Variants in TBC1D4 observed in about 807,000 individuals in gnomAD.
TBC1D4 encodes the protein TBC (Tre-2, BUB2, CDC16) domain-containing protein.
TBC1D4 carries 121 observed loss-of-function variants against 142.5 expected under a neutral mutation model. The observed-to-expected ratio is 0.85, with a 90% CI of 0.73 to 0.99. TBC1D4 has a LOEUF of 0.99. TBC1D4 is among the 50% of genes least tolerant of loss of function. The pLI is 0.00. For synonymous variants in TBC1D4, 630 were observed against 628.2 expected, an observed-to-expected ratio of 1.00 and a Z score of -0.04; for missense variants, 1,475 against 1,606.6, an observed-to-expected ratio of 0.92 and a Z score of 1.40.
chr13:75,394,446 T>C (rs1042832779), intron 1 of TBC1D4, among the ~76,000 whole-genome samples: 2 of 152,174 alleles, frequency 1.3e-5, no homozygotes, highest in African/African-American at 4.8e-5. Flanking sequence ...TTGACAATCA[T>C]GGAAAGAACA....
rs574704625 is a variant in TBC1D4, at chr13:75,317,332, C to A, written c.2222+2682G>T. On this transcript the variant is annotated intron_variant, in intron 12 of 20. Coordinates refer to ENST00000377636, the MANE Select transcript of TBC1D4 (RefSeq NM_014832.5). ...CTAAGCCTTTTGATTGGGTACTTCT[C>A]TTTCCATTTTTTAATGGATTAATTT... Among the ~76,000 whole-genome samples, 7 of 152,334 alleles carry A rather than the reference C, an allele frequency of 4.6e-5. No individual in the cohort carries two copies. The East Asian group carries it at 1.3e-3, about 29-fold the overall frequency.
At chr13:75,394,940 G>A (rs1884707746) in intron 1 of TBC1D4, among the ~76,000 whole-genome samples, 2 of 152,234 alleles carry the variant, frequency 1.3e-5, no homozygotes, top group Admixed American at 1.3e-4. Flanking sequence ...GCATACAGGT[G>A]AGGTGGGGTG....
chr13:75,324,703 A>G (rs1879081511), intron 10 of TBC1D4, among the ~76,000 whole-genome samples: 8 of 152,238 alleles, frequency 5.3e-5, no homozygotes, highest in Admixed American at 5.2e-4. Context: ...TTCACATGCA[A>G]AAGACACTTC....
intron 2 of TBC1D4, among the ~76,000 whole-genome samples, chr13:75,361,274 C>T (rs1381896040): frequency 6.6e-6 from 1 of 152,186 alleles, no homozygotes; most frequent in Non-Finnish European, 1.5e-5. Flanking sequence ...ACTCAAAATA[C>T]AAATACAAGT....
At chr13:75,319,915 T>C in intron 12 of TBC1D4, 99 bp downstream of exon 12, 1 of 1,291,608 alleles carries the variant, frequency 7.7e-7, no homozygotes, top group South Asian at 1.3e-5. Flanking sequence ...TGGCATGCAT[T>C]CAGGAGACAA....
At chr13:75,347,708 C>T (rs1566407999) in intron 5 of TBC1D4, among the ~76,000 whole-genome samples, 1 of 152,110 alleles carries the variant, frequency 6.6e-6, no homozygotes, top group Non-Finnish European at 1.5e-5. Flanking sequence ...TGACTGGCAC[C>T]CGTTGACACA....
intron 1 of TBC1D4, among the ~76,000 whole-genome samples, chr13:75,369,700 C>G (rs1241643954): frequency 6.6e-6 from 1 of 152,048 alleles, no homozygotes; most frequent in African/African-American, 2.4e-5. Flanking sequence ...ATGGAAATCA[C>G]AATGTTTATC....
In TBC1D4 at chr13:75,302,707, C is replaced by T. The variant is rs181621014; in HGVS notation, c.2753-306G>A. ...GGTGCCTAGCTACTAAGCACATGCA[C>T]TCAGAAAACAACTCAACTATAAGGT... On this transcript the variant is annotated intron_variant, in intron 15 of 20. Transcript: ENST00000377636. 1,165 of 419,458 alleles carry T rather than the reference C, an allele frequency of 2.8e-3. 17 individuals carry two copies. The highest frequency in any genetic ancestry group is 0.02 in the South Asian group (836 of 41,874). 26.0% of individuals were successfully genotyped at this position (419,458 alleles called of 1,614,324 possible).
At chr13:75,447,816 C>T (rs546775531) in intron 1 of TBC1D4, among the ~76,000 whole-genome samples, 11 of 151,976 alleles carry the variant, frequency 7.2e-5, no homozygotes, top group Admixed American at 2.0e-4. Flanking sequence ...GTGCATGTGA[C>T]GGATCTAAGT....
intron 15 of TBC1D4, chr13:75,302,660 C>A (rs1300260547): frequency 1.1e-5 from 6 of 525,112 alleles, no homozygotes; most frequent in Non-Finnish European, 1.7e-5. Context: ...GCTGACTGAG[C>A]ATTAATAAAA....
intron 1 of TBC1D4, among the ~76,000 whole-genome samples, chr13:75,431,200 G>A (rs552064139): frequency 6.6e-6 from 1 of 152,272 alleles, no homozygotes; most frequent in African/African-American, 2.4e-5. Flanking sequence ...AAAGAAGCTA[G>A]TAATTATACA....
chr13:75,385,347 G>T (rs1231196892), intron 1 of TBC1D4, among the ~76,000 whole-genome samples: 1 of 152,202 alleles, frequency 6.6e-6, no homozygotes, highest in Non-Finnish European at 1.5e-5. Context: ...TTTGTGAAGT[G>T]AACTAACCAA....
intron 1 of TBC1D4, among the ~76,000 whole-genome samples, chr13:75,389,303 A>G (rs1013633340): frequency 5.3e-5 from 8 of 152,264 alleles, no homozygotes; most frequent in Admixed American, 3.9e-4. Flanking sequence ...CCTGTAGCCA[A>G]AAATGAATTA....
chr13:75,312,088 C>T (rs1877812305), intron 13 of TBC1D4, among the ~76,000 whole-genome samples: 1 of 152,032 alleles, frequency 6.6e-6, no homozygotes, highest in Non-Finnish European at 1.5e-5. Context: ...ATTGTTCTAT[C>T]TGTTTGTTTA....
intron 5 of TBC1D4, 143 bp downstream of exon 5, chr13:75,349,027 C>A: frequency 8.2e-7 from 1 of 1,221,624 alleles, no homozygotes. Context: ...ACAGCCCACT[C>A]ACATTTGAGT....
intron 8 of TBC1D4, 31 bp from the exon 9 acceptor site, chr13:75,327,857 G>A (rs369616045): frequency 4.0e-5 from 64 of 1,608,720 alleles, no homozygotes; most frequent in East Asian, 2.7e-4. Flanking sequence ...TAAGTGCTTC[G>A]TGTGATTTAA....
At chr13:75,294,596 G>GA (rs927403796) in intron 18 of TBC1D4, among the ~76,000 whole-genome samples, 32 of 152,242 alleles carry the variant, frequency 2.1e-4, no homozygotes, top group African/African-American at 7.5e-4. Flanking sequence ...AGGCACAAAT[G>GA]AAAATAAGAG....
intron 1 of TBC1D4, among the ~76,000 whole-genome samples, chr13:75,476,646 G>C (rs773927440): frequency 6.6e-6 from 1 of 152,164 alleles, no homozygotes; most frequent in Non-Finnish European, 1.5e-5. Flanking sequence ...ATATTCCAGA[G>C]TCAAATATTA....
chr13:75,469,021 C>A (rs780778206), intron 1 of TBC1D4, among the ~76,000 whole-genome samples: 33 of 152,138 alleles, frequency 2.2e-4, no homozygotes, highest in Admixed American at 1.1e-3. Context: ...AAGTGGGCTA[C>A]CCACCTAATG....
Sources: allele counts gnomAD v4.1 joint callset (sites outside exome capture counted in the v4.1 genomes callset), GRCh38; gene constraint gnomAD v4.1.1; transcripts MANE v1.5; gene names NCBI Gene and HGNC (gene_info 2026-07-23, HGNC 2026-07-21).